The following EPHB2 variants were observed in gnomAD, a reference collection of about 807,000 sequenced individuals.
The protein encoded by EPHB2 is EPH receptor B2, also known as ephrin type-B receptor 2.
A neutral mutation model predicts 96.4 loss-of-function variants in EPHB2; 18 were observed. The ratio of observed to expected loss-of-function variants is 0.19; its 90% CI spans 0.13 to 0.28. The LOEUF is 0.28. EPHB2 is among the 10% of genes least tolerant of loss of function. The pLI, the probability that EPHB2 is intolerant of heterozygous loss-of-function variation, is 1.00. For synonymous variants in EPHB2, 506 were observed against 534.1 expected, an observed-to-expected ratio of 0.95 and a Z score of 0.72; for missense variants, 989 against 1,355.4, an observed-to-expected ratio of 0.73 and a Z score of 4.25.
chr1:22,775,673 A>C (rs1322394012), intron 1 of EPHB2, among the ~76,000 whole-genome samples: 1 of 152,254 alleles, frequency 6.6e-6, no homozygotes, highest in Non-Finnish European at 1.5e-5. Context: ...GGGCCTCCCC[A>C]GCCCGGCAGT....
intron 7 of EPHB2, 98 bp from the exon 8 acceptor site, chr1:22,895,374 G>A (rs146586896): frequency 1.6e-4 from 177 of 1,117,966 alleles, no homozygotes; most frequent in Middle Eastern, 1.2e-3. Context: ...AGAGTCTAGG[G>A]ATCCCAGGAG....
At chr1:22,872,706 G>A (rs987502324) in intron 5 of EPHB2, among the ~76,000 whole-genome samples, 6 of 152,176 alleles carry the variant, frequency 3.9e-5, no homozygotes, top group Admixed American at 6.5e-5. Context: ...TGGCTTTCTC[G>A]TGGAAAGACT....
rs575113398 is a variant in EPHB2, at chr1:22,870,659, C to T, written c.1303+5447C>T. Among the ~76,000 whole-genome samples, 345 of 152,294 alleles carry T rather than the reference C, an allele frequency of 2.3e-3. 1 individual carries two copies. Among genetic ancestry groups the T allele is most frequent in the Admixed American group, 3.9e-3 (60 of 15,292 alleles). On this transcript the variant is annotated intron_variant, in intron 5 of 15. Transcript: ENST00000374630. ...TCACTGATCCCGGGCTTCTATCCAG[C>T]GCCCTTGGCCATTCTCCAGGGCTGC...
intron 6 of EPHB2, among the ~76,000 whole-genome samples, chr1:22,884,831 T>C (rs553706587): frequency 6.6e-6 from 1 of 152,278 alleles, no homozygotes; most frequent in Admixed American, 6.5e-5. Context: ...CCCCATTTCA[T>C]CTTCTCCTTG....
chr1:22,900,066 G>T (rs1417808354), intron 9 of EPHB2, among the ~76,000 whole-genome samples: 4 of 151,964 alleles, frequency 2.6e-5, no homozygotes, highest in African/African-American at 9.7e-5. Flanking sequence ...GGCCAAGGCG[G>T]GTGGATTACC....
chr1:22,765,650 A>C (rs1271685178), intron 1 of EPHB2, among the ~76,000 whole-genome samples: 1 of 151,206 alleles, frequency 6.6e-6, no homozygotes, highest in Non-Finnish European at 1.5e-5. Flanking sequence ...CCTCTCCACG[A>C]GCTTTCCGTC....
intron 1 of EPHB2, among the ~76,000 whole-genome samples, chr1:22,718,287 G>T (rs1643343279): frequency 1.3e-5 from 2 of 151,948 alleles, no homozygotes; most frequent in Non-Finnish European, 2.9e-5. Context: ...CTGGGAAAGG[G>T]GTAGACTCCT....
chr1:22,913,893 C>G lies in EPHB2; in HGVS notation c.*323C>G. The stretch of plus-strand genomic sequence containing the variant: ...TAAAAAAGGGCTTGGGAGATTCATG[C>G]GATGTGTCCAATCGGAGACAAAAGC... On this transcript the variant is annotated 3_prime_UTR_variant, in exon 16 of 16. Transcript: ENST00000374630. The surrounding 1 kb of genome is among the most constrained non-coding windows in gnomAD (Gnocchi z 4.1). 6.4e-7 allele frequency: 1 copy of G among 1,569,838 alleles called. No homozygotes were observed. Among genetic ancestry groups the G allele is most frequent in the Non-Finnish European group, 8.6e-7 (1 of 1,160,110 alleles).
rs147166976 is a variant in EPHB2 at position 22,784,374 on chromosome 1, C to T, written c.127-18C>T. 728 of 1,613,354 alleles carry T rather than the reference C, an allele frequency of 4.5e-4. 7 individuals carry two copies. In the East Asian group the frequency reaches 0.011, roughly 25 times the overall value. ...GCTGAGCCCTTACCTCCCCACCTGA[C>T]GAGCATTTTACCCACAGTGGGAAGA... is the stretch of plus-strand genomic sequence containing the variant. On this transcript the variant is annotated intron_variant, in intron 2 of 15. Coordinates refer to ENST00000374630, the MANE Select transcript of EPHB2 (RefSeq NM_017449.5). This position sits in a 1 kb window ranked among gnomAD's most constrained non-coding sequence, Gnocchi z 5.1.
intron 3 of EPHB2, among the ~76,000 whole-genome samples, chr1:22,844,275 C>T (rs1421108579): frequency 6.6e-6 from 1 of 152,242 alleles, no homozygotes. Context: ...GTTATTAAAA[C>T]AGGCTTATTG....
At chr1:22,740,992 C>T (rs952726936) in intron 1 of EPHB2, among the ~76,000 whole-genome samples, 8 of 152,074 alleles carry the variant, frequency 5.3e-5, no homozygotes, top group South Asian at 4.1e-4. Context: ...TCCTTGCTGA[C>T]GGCGGGGATT....
intron 1 of EPHB2, among the ~76,000 whole-genome samples, chr1:22,772,499 A>T (rs996984409): frequency 6.6e-6 from 1 of 152,192 alleles, no homozygotes; most frequent in African/African-American, 2.4e-5. Flanking sequence ...GAGGTAGAAA[A>T]ACAACGTGCT....
chr1:22,798,860 A>G (rs1296948927), intron 3 of EPHB2, among the ~76,000 whole-genome samples: 2 of 152,084 alleles, frequency 1.3e-5, no homozygotes, highest in Non-Finnish European at 2.9e-5. Context: ...GAAGGGAGGC[A>G]TTGTCCGGCC....
In EPHB2 at chr1:22,723,107, T is replaced by C. The variant is rs535586747; in HGVS notation, c.61+12064T>C. Reference sequence around the variant, plus strand: ...ACATTCCCATTATGGCGACGACATATGTCCACGGCACCAACTTGTCACTTG... The same window carrying C: ...ACATTCCCATTATGGCGACGACATACGTCCACGGCACCAACTTGTCACTTG... On this transcript the variant is annotated intron_variant, in intron 1 of 15. Coordinates refer to ENST00000374630, the MANE Select transcript of EPHB2 (RefSeq NM_017449.5). Among the ~76,000 whole-genome samples the C allele has an allele frequency of 1.5e-4, 23 of 152,320 alleles. No individual in the cohort carries two copies. The East Asian group carries it at 4.4e-3, about 29-fold the overall frequency.
At chr1:22,804,456 A>G (rs1434271321) in intron 3 of EPHB2, among the ~76,000 whole-genome samples, 1 of 152,194 alleles carries the variant, frequency 6.6e-6, no homozygotes, top group East Asian at 1.9e-4. Flanking sequence ...GTGTGAAGCC[A>G]AGAGATCAAG....
intron 1 of EPHB2, among the ~76,000 whole-genome samples, chr1:22,769,868 A>G (rs1644354993): frequency 6.6e-6 from 1 of 152,178 alleles, no homozygotes; most frequent in Non-Finnish European, 1.5e-5. Context: ...ATGAATGGAA[A>G]GAAGAGAGGT....
chr1:22,888,164 C>T lies in EPHB2; in HGVS notation c.1429-4720C>T, dbSNP rs187728520. Among the ~76,000 whole-genome samples the T allele has an allele frequency of 1.6e-4, 25 of 152,288 alleles. No individual in the cohort carries two copies. In the East Asian group the frequency reaches 4.4e-3, roughly 27 times the overall value. On this transcript the variant is annotated intron_variant, in intron 6 of 15. Coordinates refer to ENST00000374630, the MANE Select transcript of EPHB2 (RefSeq NM_017449.5). ...TCAAGTGATTCTCCAGCCTCAGTCT[C>T]CCAAGTAGCTGGGATTACAGGCATG...
chr1:22,780,345 G>A (rs902398861), intron 1 of EPHB2, among the ~76,000 whole-genome samples: 34 of 152,300 alleles, frequency 2.2e-4, no homozygotes, highest in African/African-American at 8.2e-4. Context: ...TGGTCCAGGT[G>A]CTGACATGTC....
chr1:22,882,626 T>A lies in EPHB2; in HGVS notation c.1428+143T>A, dbSNP rs1021552183. The A allele has an allele frequency of 2.2e-6, 3 of 1,336,346 alleles. No individual in the cohort carries two copies. In the African/African-American group the frequency reaches 4.4e-5, roughly 19 times the overall value. 82.8% of individuals were successfully genotyped at this position (1,336,346 alleles called of 1,614,324 possible). Reference sequence around the variant, plus strand: ...GCACTGGCCTTGGAGTCAGGCTGCCTGGCTCCCAATCCAGCTCCGCTCCTT... The same window carrying A: ...GCACTGGCCTTGGAGTCAGGCTGCCAGGCTCCCAATCCAGCTCCGCTCCTT... On this transcript the variant is annotated intron_variant, in intron 6 of 15. Coordinates refer to ENST00000374630, the MANE Select transcript of EPHB2 (RefSeq NM_017449.5).
Sources: allele counts gnomAD v4.1 joint callset (sites outside exome capture counted in the v4.1 genomes callset), GRCh38; gene constraint gnomAD v4.1.1; non-coding constraint Gnocchi (gnomAD v3.1); transcripts MANE v1.5; gene names NCBI Gene and HGNC (gene_info 2026-07-23, HGNC 2026-07-21).